NRG3: variants seen among roughly 807,000 people sequenced by gnomAD.
The protein encoded by NRG3 is neuregulin 3.
A neutral mutation model predicts 66.9 loss-of-function variants in NRG3; 31 were observed. That is an observed-to-expected ratio of 0.46 (90% CI 0.35 to 0.63). NRG3 has a LOEUF of 0.63. Among genes scored for constraint, NRG3 ranks in the 20% least tolerant of loss-of-function variants. The pLI is 0.00. For missense variants in NRG3, 910 were observed against 878.9 expected (o/e 1.04, Z -0.45); for synonymous variants, 393 against 359.4 (o/e 1.09, Z -1.06).
chr10:82,511,479 C>G (rs1365815364), intron 2 of NRG3, among the ~76,000 whole-genome samples: 1 of 152,142 alleles, frequency 6.6e-6, no homozygotes, highest in Non-Finnish European at 1.5e-5. Context: ...AGTTGTCACT[C>G]CTTGTTACTC....
chr10:81,921,022 A>AT (rs1846202499), intron 1 of NRG3, among the ~76,000 whole-genome samples: 1 of 152,094 alleles, frequency 6.6e-6, no homozygotes, highest in South Asian at 2.1e-4. Flanking sequence ...GTCAAATGGT[A>AT]TTTACATTTT....
At chr10:82,157,989 G>C (rs2071307450) in intron 1 of NRG3, among the ~76,000 whole-genome samples, 1 of 151,644 alleles carries the variant, frequency 6.6e-6, no homozygotes. Flanking sequence ...TTAGCATCGG[G>C]AGCCCTGTGA....
At chr10:82,169,462 C>T (rs899583949) in intron 1 of NRG3, among the ~76,000 whole-genome samples, 1 of 151,144 alleles carries the variant, frequency 6.6e-6, no homozygotes, top group Non-Finnish European at 1.5e-5. Flanking sequence ...TTTTTCACTT[C>T]CCTTCTGAAT....
intron 1 of NRG3, among the ~76,000 whole-genome samples, chr10:82,229,830 T>C (rs1478786144): frequency 2.0e-5 from 3 of 151,876 alleles, no homozygotes; most frequent in East Asian, 1.9e-4. Flanking sequence ...TAGGAAAGAA[T>C]AGTAGAAAAG....
chr10:82,146,910 G>A (rs2070308100), intron 1 of NRG3, among the ~76,000 whole-genome samples: 1 of 152,194 alleles, frequency 6.6e-6, no homozygotes, highest in Non-Finnish European at 1.5e-5. Flanking sequence ...CCTGACAAAA[G>A]TGAGTAGACT....
At chr10:82,841,751 C>T (rs1385878569) in intron 3 of NRG3, among the ~76,000 whole-genome samples, 3 of 152,156 alleles carry the variant, frequency 2.0e-5, no homozygotes, top group Non-Finnish European at 4.4e-5. Context: ...ACAGCAACAT[C>T]TGAATTAGTG....
intron 2 of NRG3, among the ~76,000 whole-genome samples, chr10:82,625,525 C>T (rs2049358771): frequency 1.3e-5 from 2 of 152,112 alleles, no homozygotes; most frequent in Non-Finnish European, 2.9e-5. Context: ...AGGTATGAAG[C>T]AATCCTTCTT....
rs539292948 is a variant in NRG3, at chr10:82,721,854, A to G, written c.954-16723A>G. 9.2e-5 allele frequency among the ~76,000 whole-genome samples: 14 copies of G among 152,132 alleles called. No individual in the cohort carries two copies. The South Asian group carries it at 2.3e-3, about 25-fold the overall frequency. ...GTAATTTGCCCAGTTTCCACATGAC[A>G]TTCAGATTTAGAATGGTATGTCTCA... On this transcript the variant is annotated intron_variant, in intron 2 of 8. Coordinates refer to ENST00000372141, the MANE Select transcript of NRG3 (RefSeq NM_001010848.4).
Position 82,985,813 on chromosome 10 carries a change from T to G in NRG3, c.*208T>G. On this transcript the variant is annotated 3_prime_UTR_variant, in exon 9 of 9. Transcript: ENST00000372141. ...GAGGGATAAAGCTTACCATTAAAGC[T>G]TTTGGGTAGAATTCTGAATCCAATT... is the stretch of plus-strand genomic sequence containing the variant. 1.8e-6 allele frequency: 1 copy of G among 562,094 alleles called. No individual in the cohort carries two copies. Among genetic ancestry groups the G allele is most frequent in the Non-Finnish European group, 3.0e-6 (1 of 329,618 alleles). The allele number at this position is 562,094 out of a possible 1,614,324, so 34.8% of individuals were successfully genotyped here.
intron 2 of NRG3, among the ~76,000 whole-genome samples, chr10:82,619,721 C>G (rs75821018): frequency 0.041 from 6,312 of 152,206 alleles, 458 homozygotes; most frequent in African/African-American, 0.14. Flanking sequence ...GAGCCCTAAT[C>G]TAATATGACT....
intron 1 of NRG3, among the ~76,000 whole-genome samples, chr10:81,900,610 G>A (rs1419250686): frequency 1.3e-5 from 2 of 152,080 alleles, no homozygotes; most frequent in Admixed American, 6.6e-5. Flanking sequence ...CTGAATTCCT[G>A]GAAAATGCTT....
rs1401460367 is a variant in NRG3, at chr10:82,170,676, A to G, written c.824-188063A>G. On this transcript the variant is annotated intron_variant, in intron 1 of 8. Coordinates refer to ENST00000372141, the MANE Select transcript of NRG3 (RefSeq NM_001010848.4). ...GTGGTATATATATATATATATATAT[A>G]TATATATATATATATATATATGTAA... is the stretch of plus-strand genomic sequence containing the variant. 2.9e-4 allele frequency among the ~76,000 whole-genome samples: 33 copies of G among 112,800 alleles called. 1 individual carries two copies. Among genetic ancestry groups the G allele is most frequent in the South Asian group, 6.4e-4 (2 of 3,118 alleles). The allele number at this position is 112,800 out of a possible 152,430, so 74.0% of individuals were successfully genotyped here.
chr10:82,284,436 C>T (rs2079298187), intron 1 of NRG3, among the ~76,000 whole-genome samples: 1 of 152,288 alleles, frequency 6.6e-6, no homozygotes, highest in South Asian at 2.1e-4. Context: ...ATGTCATCCC[C>T]ATGGGTTAAA....
chr10:82,110,386 G>C (rs1231197815), intron 1 of NRG3, among the ~76,000 whole-genome samples: 1 of 152,106 alleles, frequency 6.6e-6, no homozygotes, highest in Non-Finnish European at 1.5e-5. Flanking sequence ...GCCACTTCAG[G>C]ATTTGAGCTT....
chr10:82,958,462 T>C (rs747358372), intron 5 of NRG3, among the ~76,000 whole-genome samples: 6 of 152,230 alleles, frequency 3.9e-5, no homozygotes, highest in Admixed American at 6.5e-5. Context: ...ATGAGCTATT[T>C]CTAAATTGTA....
At chr10:81,923,210 A>T (rs1185926044) in intron 1 of NRG3, among the ~76,000 whole-genome samples, 1 of 152,168 alleles carries the variant, frequency 6.6e-6, no homozygotes, top group Non-Finnish European at 1.5e-5. Flanking sequence ...CTCTGATCAG[A>T]CTACCTACCT....
At chr10:81,931,749 C>A (rs897241668) in intron 1 of NRG3, among the ~76,000 whole-genome samples, 1 of 152,138 alleles carries the variant, frequency 6.6e-6, no homozygotes, top group African/African-American at 2.4e-5. Flanking sequence ...ACTTAATTGC[C>A]CATTAACAGG....
At chr10:82,589,487 G>C (rs192236312) in intron 2 of NRG3, among the ~76,000 whole-genome samples, 60 of 152,228 alleles carry the variant, frequency 3.9e-4, no homozygotes, top group African/African-American at 1.4e-3. Flanking sequence ...TGAAATATCA[G>C]GTGGGAAGCC....
intron 1 of NRG3, among the ~76,000 whole-genome samples, chr10:82,148,817 T>A (rs895837309): frequency 6.6e-6 from 1 of 152,148 alleles, no homozygotes; most frequent in African/African-American, 2.4e-5. Flanking sequence ...CCCCAATTTC[T>A]ATGACTTTCC....
Sources: allele counts gnomAD v4.1 joint callset (sites outside exome capture counted in the v4.1 genomes callset), GRCh38; gene constraint gnomAD v4.1.1; transcripts MANE v1.5; gene names NCBI Gene and HGNC (gene_info 2026-07-23, HGNC 2026-07-21).